PLCE1: variants seen among roughly 807,000 people sequenced by gnomAD.
PLCE1 encodes 1-phosphatidylinositol 4,5-bisphosphate phosphodiesterase epsilon-1.
Under a neutral mutation model 242.8 loss-of-function variants are expected in PLCE1, and 119 were observed. The ratio of observed to expected loss-of-function variants is 0.49; its 90% CI spans 0.42 to 0.57. PLCE1 has a LOEUF of 0.57. Ranked by LOEUF, PLCE1 falls within the 20% of genes least tolerant of loss-of-function variation. The pLI is 0.00. For missense variants in PLCE1, 2,441 were observed against 2,788.8 expected (o/e 0.88, Z 2.81); for synonymous variants, 945 against 1,017.4 (o/e 0.93, Z 1.35).
intron 2 of PLCE1, among the ~76,000 whole-genome samples, chr10:94,127,268 C>G (rs1273038321): frequency 6.6e-6 from 1 of 152,188 alleles, no homozygotes; most frequent in East Asian, 1.9e-4. Flanking sequence ...TAGTTCTAGT[C>G]TGGATCAACT....
intron 32 of PLCE1, chr10:94,325,660 CTTAT>C (rs1169076027): frequency 6.6e-6 from 1 of 151,912 alleles, no homozygotes; most frequent in African/African-American, 2.4e-5. Context: ...TTTTAGACCC[CTTAT>C]TTATTTTGTA....
intron 5 of PLCE1, among the ~76,000 whole-genome samples, chr10:94,231,732 A>C (rs915335024): frequency 6.6e-6 from 1 of 152,188 alleles, no homozygotes; most frequent in Non-Finnish European, 1.5e-5. Flanking sequence ...ACTGTTCCAC[A>C]TCAGATCATC....
At chr10:94,295,419 G>A (rs529354976) in intron 23 of PLCE1, among the ~76,000 whole-genome samples, 1 of 152,196 alleles carries the variant, frequency 6.6e-6, no homozygotes, top group South Asian at 2.1e-4. Context: ...GTTTTATCAC[G>A]AAATTGCAGG....
intron 2 of PLCE1, among the ~76,000 whole-genome samples, chr10:94,033,607 G>A (rs563469692): frequency 6.6e-6 from 1 of 152,016 alleles, no homozygotes; most frequent in Non-Finnish European, 1.5e-5. Context: ...AGATTTCCAG[G>A]TCCTCTGAAT....
rs544053301 is a variant in PLCE1, at chr10:94,159,581, T to C, written c.1493-11599T>C. On this transcript the variant is annotated intron_variant, in intron 3 of 32. Coordinates refer to ENST00000371380, the MANE Select transcript of PLCE1 (RefSeq NM_016341.4). ...TCAAAGCAAAGGAAAATGGATAGAGTAGATAGAATAAGTTTTTCCTACTTT... is the reference window on the plus strand; with the variant it reads ...TCAAAGCAAAGGAAAATGGATAGAGCAGATAGAATAAGTTTTTCCTACTTT... Among the ~76,000 whole-genome samples the C allele has an allele frequency of 4.6e-5, 7 of 152,240 alleles. 1 individual carries two copies. Among genetic ancestry groups the C allele is most frequent in the Admixed American group, 4.6e-4 (7 of 15,300 alleles).
chr10:94,168,338 A>C (rs2047872814), intron 3 of PLCE1, among the ~76,000 whole-genome samples: 1 of 152,232 alleles, frequency 6.6e-6, no homozygotes, highest in Admixed American at 6.5e-5. Flanking sequence ...CTTAGAAGAC[A>C]AAGAATTATG....
intron 3 of PLCE1, among the ~76,000 whole-genome samples, chr10:94,167,549 G>C (rs984249033): frequency 6.6e-6 from 1 of 151,476 alleles, no homozygotes; most frequent in Non-Finnish European, 1.5e-5. Flanking sequence ...TTAAGTTTTA[G>C]GGGTACATGT....
intron 3 of PLCE1, among the ~76,000 whole-genome samples, chr10:94,150,921 G>A (rs1490517287): frequency 6.6e-6 from 1 of 152,174 alleles, no homozygotes; most frequent in Non-Finnish European, 1.5e-5. Flanking sequence ...AGTCTAGTGG[G>A]CATGGGGGTT....
At chr10:94,115,468 G>A (rs1306124063) in intron 2 of PLCE1, among the ~76,000 whole-genome samples, 1 of 152,306 alleles carries the variant, frequency 6.6e-6, no homozygotes, top group African/African-American at 2.4e-5. Flanking sequence ...TCTAACTGGT[G>A]TGAGATTGTA....
intron 3 of PLCE1, among the ~76,000 whole-genome samples, chr10:94,151,333 G>C (rs1262953089): frequency 1.3e-5 from 2 of 152,136 alleles, no homozygotes; most frequent in African/African-American, 4.8e-5. Context: ...TGGAAGTCAA[G>C]GGAAAGCAAT....
chr10:94,187,076 G>A (rs1281379207), intron 4 of PLCE1, among the ~76,000 whole-genome samples: 1 of 151,690 alleles, frequency 6.6e-6, no homozygotes, highest in Non-Finnish European at 1.5e-5. Flanking sequence ...TAATTAATAA[G>A]TAATGAAAGG....
intron 4 of PLCE1, among the ~76,000 whole-genome samples, chr10:94,202,078 G>A (rs75934970): frequency 1.3e-5 from 2 of 152,226 alleles, no homozygotes; most frequent in Admixed American, 6.5e-5. Context: ...TTGTTATTTT[G>A]TTTTGCCTTT....
rs375293512 is a variant in PLCE1 at position 94,264,741 on chromosome 10, C to G, written c.4054-906C>G. 4.6e-5 allele frequency among the ~76,000 whole-genome samples: 7 copies of G among 151,728 alleles called. No homozygotes were observed. In the East Asian group the frequency reaches 1.4e-3, roughly 29 times the overall value. On this transcript the variant is annotated intron_variant, in intron 14 of 32. Transcript: ENST00000371380. ...TTCACCATGTTGGCCAGGCTGGTCT[C>G]GAACTCCTGACCTCGTGATCCACCC...
At chr10:94,314,102 G>C (rs2133754506) in intron 28 of PLCE1, among the ~76,000 whole-genome samples, 1 of 152,256 alleles carries the variant, frequency 6.6e-6, no homozygotes, top group East Asian at 1.9e-4. Flanking sequence ...CTGCAGACAG[G>C]TCCCCATCCA....
chr10:94,313,158 C>T, intron 27 of PLCE1, 96 bp from the exon 28 acceptor site: 1 of 1,427,298 alleles, frequency 7.0e-7, no homozygotes, highest in Non-Finnish European at 9.8e-7. Context: ...TTACATGTTC[C>T]TATCCGTACT....
chr10:94,071,505 T>TTTTTTG (rs931299845), intron 2 of PLCE1, among the ~76,000 whole-genome samples: 2 of 132,566 alleles, frequency 1.5e-5, no homozygotes, highest in African/African-American at 6.5e-5. Flanking sequence ...GTTTTTTTTT[T>TTTTTTG]TTTTTTTTTT....
At chr10:94,108,620 G>C (rs1291105202) in intron 2 of PLCE1, 2 of 152,216 alleles carry the variant, frequency 1.3e-5, no homozygotes, top group African/African-American at 2.4e-5. Context: ...GGTTGTAGTT[G>C]GGTCATTTTT....
At chr10:94,315,023 G>A (rs2053519959) in intron 28 of PLCE1, 1 of 169,290 alleles carries the variant, frequency 5.9e-6, no homozygotes, top group Non-Finnish European at 1.3e-5. Context: ...GCAGTCCATT[G>A]CTTTACTGTC....
chr10:94,035,191 C>T (rs1191555705), intron 2 of PLCE1, among the ~76,000 whole-genome samples: 2 of 152,188 alleles, frequency 1.3e-5, no homozygotes, highest in Non-Finnish European at 2.9e-5. Context: ...ATCATGTACA[C>T]TCGAACATTA....
Sources: allele counts gnomAD v4.1 joint callset (sites outside exome capture counted in the v4.1 genomes callset), GRCh38; gene constraint gnomAD v4.1.1; transcripts MANE v1.5; gene names NCBI Gene and HGNC (gene_info 2026-07-23, HGNC 2026-07-21).